The following NALCN variants were observed in gnomAD, a reference collection of about 807,000 sequenced individuals.
NALCN encodes sodium leak channel, non-selective, also known as sodium leak channel NALCN.
NALCN carries 111 observed loss-of-function variants against 225.3 expected under a neutral mutation model. That is an observed-to-expected ratio of 0.49 (90% CI 0.42 to 0.58). The LOEUF (loss-of-function observed/expected upper bound fraction) is 0.58, where lower values mean the gene tolerates loss of function less well. Among genes scored for constraint, NALCN ranks in the 20% least tolerant of loss-of-function variants. The probability of loss-of-function intolerance (pLI) is 0.00; values close to 1 mark genes in which losing one functional copy is unlikely to be tolerated. For missense variants in NALCN, 1,378 were observed against 2,202.4 expected, an observed-to-expected ratio of 0.63 and a Z score of 7.49; for synonymous variants, 764 against 769.0, an observed-to-expected ratio of 0.99 and a Z score of 0.11.
At chr13:101,072,828 G>T (rs755859700) in intron 37 of NALCN, among the ~76,000 whole-genome samples, 2 of 152,146 alleles carry the variant, frequency 1.3e-5, no homozygotes, top group Admixed American at 6.5e-5. Context: ...CTAAAATTCA[G>T]TTCCTCAGTT....
rs566760982 is a variant in NALCN at position 101,089,313 on chromosome 13, A to G, written c.3489+350T>C. On this transcript the variant is annotated intron_variant, in intron 30 of 43. Transcript: ENST00000251127. The surrounding 1 kb of genome is among the most constrained non-coding windows in gnomAD (Gnocchi z 4.7). The stretch of plus-strand genomic sequence containing the variant: ...ACACAGAAGCATACAATTTACATTT[A>G]GTGAAAGTAATATTACCTGTAATTA... Among the ~76,000 whole-genome samples, 7 of 152,364 alleles carry G rather than the reference A, an allele frequency of 4.6e-5. No individual in the cohort carries two copies. The highest frequency in any genetic ancestry group is 1.7e-4 in the African/African-American group (7 of 41,584).
chr13:101,068,682 T>A lies in NALCN; in HGVS notation c.4330+13A>T, dbSNP rs201297574. ...GTTTAAAGAGTAAAAAGTATTCAAC[T>A]AACATCACTTACCTACAAGCAGATT... On this transcript the variant is annotated intron_variant, in intron 38 of 43. Coordinates refer to ENST00000251127, the MANE Select transcript of NALCN (RefSeq NM_052867.4). 20 of 1,580,810 alleles carry A rather than the reference T, an allele frequency of 1.3e-5. No homozygotes were observed. The East Asian group carries it at 4.4e-4, about 35-fold the overall frequency.
At chr13:101,316,779 G>A (rs2139173180) in intron 7 of NALCN, among the ~76,000 whole-genome samples, 2 of 152,160 alleles carry the variant, frequency 1.3e-5, no homozygotes, top group South Asian at 4.2e-4. Flanking sequence ...TTGGGACCAG[G>A]TGACCATCCA....
At chr13:101,365,096 G>A (rs1225564424) in intron 6 of NALCN, among the ~76,000 whole-genome samples, 1 of 152,048 alleles carries the variant, frequency 6.6e-6, no homozygotes, top group Non-Finnish European at 1.5e-5. Context: ...TTGTTATATA[G>A]GTAAACTGCG....
intron 17 of NALCN, 54 bp from the exon 18 acceptor site, chr13:101,124,735 C>T: frequency 3.6e-6 from 5 of 1,383,560 alleles, no homozygotes; most frequent in Non-Finnish European, 5.1e-6. Context: ...AAATAATATA[C>T]TGTCAAATCA....
chr13:101,354,202 G>T (rs1175047748), intron 6 of NALCN, among the ~76,000 whole-genome samples: 1 of 152,152 alleles, frequency 6.6e-6, no homozygotes, highest in Non-Finnish European at 1.5e-5. Context: ...AATTAGCCAG[G>T]TTTGGTAGCG....
At chr13:101,057,514 T>C (rs2031411093) in intron 43 of NALCN, 2 of 224,844 alleles carry the variant, frequency 8.9e-6, no homozygotes. Flanking sequence ...AGCTGCAAAG[T>C]GTGCTGAGAG....
chr13:101,360,152 CTT>C (rs1223115417), intron 6 of NALCN, among the ~76,000 whole-genome samples: 12 of 117,470 alleles, frequency 1.0e-4, no homozygotes, highest in South Asian at 5.1e-4. Flanking sequence ...CTCTTTTTTT[CTT>C]TCTTTCTTTC....
At chr13:101,127,966 A>T (rs1480166470) in intron 17 of NALCN, among the ~76,000 whole-genome samples, 1 of 152,188 alleles carries the variant, frequency 6.6e-6, no homozygotes, top group African/African-American at 2.4e-5. Context: ...TCTAGAAGAT[A>T]CTGACAATCA....
chr13:101,240,287 C>T (rs1390409857), intron 11 of NALCN, among the ~76,000 whole-genome samples: 10 of 151,800 alleles, frequency 6.6e-5, no homozygotes, highest in South Asian at 2.1e-4. Context: ...CTGTATTTTA[C>T]GTTCTTTAAT....
chr13:101,182,786 G>C (rs1462860578), intron 14 of NALCN, among the ~76,000 whole-genome samples: 3 of 152,220 alleles, frequency 2.0e-5, no homozygotes, highest in Admixed American at 6.5e-5. Flanking sequence ...GAAGATTCAG[G>C]AGGTGCAGGG....
chr13:101,282,549 G>A (rs1198326096), intron 10 of NALCN, among the ~76,000 whole-genome samples: 1 of 152,116 alleles, frequency 6.6e-6, no homozygotes, highest in Non-Finnish European at 1.5e-5. Context: ...TCAAAAGATG[G>A]CCAAGTTCTC....
chr13:101,405,420 C>A lies in NALCN; in HGVS notation c.-39-6255G>T, dbSNP rs1594792212. Among the ~76,000 whole-genome samples the A allele has an allele frequency of 3.3e-5, 5 of 152,208 alleles. No homozygotes were observed. In the South Asian group the frequency reaches 1.0e-3, roughly 32 times the overall value. On this transcript the variant is annotated intron_variant, in intron 1 of 43. Coordinates refer to ENST00000251127, the MANE Select transcript of NALCN (RefSeq NM_052867.4). ...ATCCACCTGCCTCATGTGTCACCAT[C>A]CCTGCCCACTCTGCCGTCCTCCAAT...
chr13:101,146,560 T>G (rs1368703606), intron 15 of NALCN, among the ~76,000 whole-genome samples: 1 of 152,180 alleles, frequency 6.6e-6, no homozygotes, highest in Non-Finnish European at 1.5e-5. Context: ...AGAAAAATAC[T>G]TGTCAGTGGT....
intron 7 of NALCN, among the ~76,000 whole-genome samples, chr13:101,343,734 T>C (rs78380929): frequency 0.02 from 3,083 of 152,300 alleles, 110 homozygotes; most frequent in African/African-American, 0.07. Context: ...TCCTCTCAAG[T>C]CAGCACAGTA....
intron 11 of NALCN, among the ~76,000 whole-genome samples, chr13:101,251,082 T>TA (rs1454849610): frequency 6.6e-6 from 1 of 152,112 alleles, no homozygotes; most frequent in African/African-American, 2.4e-5. Flanking sequence ...AATTTAACAA[T>TA]ATTTAGCAAA....
intron 12 of NALCN, among the ~76,000 whole-genome samples, chr13:101,233,485 C>T (rs1024509246): frequency 2.6e-5 from 4 of 151,944 alleles, no homozygotes; most frequent in South Asian, 2.1e-4. Flanking sequence ...GGACTACAGG[C>T]GCCCACCACC....
intron 13 of NALCN, among the ~76,000 whole-genome samples, chr13:101,217,219 A>C (rs2040769733): frequency 6.6e-6 from 1 of 152,138 alleles, no homozygotes; most frequent in South Asian, 2.1e-4. Flanking sequence ...AAAAACATGC[A>C]ATTTGTTTTT....
chr13:101,367,299 T>C (rs1419502695), intron 6 of NALCN, among the ~76,000 whole-genome samples: 1 of 152,078 alleles, frequency 6.6e-6, no homozygotes, highest in East Asian at 1.9e-4. Context: ...TGCCTTAATT[T>C]CCAATTCAAA....
Sources: gnomAD v4.1 joint callset for allele counts (sites outside exome capture counted in the v4.1 genomes callset) on GRCh38, gnomAD v4.1.1 for gene constraint, Gnocchi (gnomAD v3.1) non-coding constraint, MANE v1.5 for transcripts, NCBI Gene and HGNC (gene_info 2026-07-23, HGNC 2026-07-21) for gene names.